The following PCED1B variants were observed in gnomAD, a reference collection of about 807,000 sequenced individuals.
The protein encoded by PCED1B is PC-esterase domain-containing protein 1B.
For synonymous variants in PCED1B, 251 were observed against 246.1 expected, an observed-to-expected ratio of 1.02 and a Z score of -0.19; for missense variants, 573 against 573.9, an observed-to-expected ratio of 1.00 and a Z score of 0.02.
intron 1 of PCED1B, among the ~76,000 whole-genome samples, chr12:47,103,885 T>G (rs1414083221): frequency 6.6e-6 from 1 of 152,224 alleles, no homozygotes; most frequent in Admixed American, 6.5e-5. Context: ...ATTTTCTCAT[T>G]GTCATTGCTC....
intron 2 of PCED1B, among the ~76,000 whole-genome samples, chr12:47,108,682 C>T (rs1939061786): frequency 2.0e-5 from 3 of 152,198 alleles, no homozygotes; most frequent in Admixed American, 2.0e-4. Flanking sequence ...TCTTTAGAAT[C>T]AGTCCAAGGC....
At chr12:47,203,285 T>C (rs1942822601) in intron 2 of PCED1B, among the ~76,000 whole-genome samples, 1 of 152,158 alleles carries the variant, frequency 6.6e-6, no homozygotes, top group East Asian at 1.9e-4. Flanking sequence ...TTTTCTTTTT[T>C]TAATTTTTTA....
intron 3 of PCED1B, chr12:47,224,132 T>G (rs921775353): frequency 6.6e-6 from 1 of 152,242 alleles, no homozygotes; most frequent in Non-Finnish European, 1.5e-5. Context: ...AGGTTTACTA[T>G]AGACTGTACA....
rs1385499603 is a variant in PCED1B, at chr12:47,136,727, G to A, written c.-526+32532G>A. 3.9e-5 allele frequency among the ~76,000 whole-genome samples: 6 copies of A among 152,080 alleles called. No individual in the cohort carries two copies. In the East Asian group the frequency reaches 9.7e-4, roughly 24 times the overall value. On this transcript the variant is annotated intron_variant, in intron 2 of 3. Transcript: ENST00000546455. ...ATTAGGCAAATATTTAAGTATAAACGATATCTACAAACTTTAATTTCCATT... is the reference window on the plus strand; with the variant it reads ...ATTAGGCAAATATTTAAGTATAAACAATATCTACAAACTTTAATTTCCATT...
intron 2 of PCED1B, among the ~76,000 whole-genome samples, chr12:47,113,965 A>AC (rs1555191180): frequency 0.012 from 1,799 of 148,912 alleles, 13 homozygotes; most frequent in Non-Finnish European, 0.018. Context: ...AGAAAAAAAA[A>AC]ACACACACAC....
At chr12:47,233,354 A>G (rs7299268) in intron 3 of PCED1B, among the ~76,000 whole-genome samples, 12,742 of 151,774 alleles carry the variant, frequency 0.084, 553 homozygotes, top group Middle Eastern at 0.13. Context: ...TGGTAGCCAG[A>G]AAGGTCTCGA....
chr12:47,161,393 G>T (rs144867239), intron 2 of PCED1B, among the ~76,000 whole-genome samples: 1 of 152,124 alleles, frequency 6.6e-6, no homozygotes, highest in African/African-American at 2.4e-5. Context: ...ATATGTGAGG[G>T]TATGTTTCTG....
chr12:47,221,470 C>T (rs561945710), intron 3 of PCED1B, among the ~76,000 whole-genome samples: 6 of 151,940 alleles, frequency 3.9e-5, no homozygotes, highest in African/African-American at 9.6e-5. Context: ...TGAGCCACCA[C>T]GCCCCGCCAA....
At chr12:47,121,337 G>T (rs1220799166) in intron 2 of PCED1B, among the ~76,000 whole-genome samples, 1 of 152,038 alleles carries the variant, frequency 6.6e-6, no homozygotes, top group Non-Finnish European at 1.5e-5. Context: ...ATCGTTAGTG[G>T]GTACTCATTG....
At chr12:47,135,746 G>T in intron 2 of PCED1B, 1 of 532,572 alleles carries the variant, frequency 1.9e-6, no homozygotes, top group East Asian at 5.3e-5. Context: ...CGGGCACGGA[G>T]GTCTCACTGC....
At chr12:47,144,433 A>G (rs1045454243) in intron 2 of PCED1B, among the ~76,000 whole-genome samples, 1 of 152,162 alleles carries the variant, frequency 6.6e-6, no homozygotes, top group Non-Finnish European at 1.5e-5. Context: ...CCTTAACAGT[A>G]TCTTGGTCAC....
intron 2 of PCED1B, among the ~76,000 whole-genome samples, chr12:47,173,729 T>C (rs1035657277): frequency 6.6e-6 from 1 of 152,198 alleles, no homozygotes; most frequent in African/African-American, 2.4e-5. Context: ...AGAAGAAAAA[T>C]GTAATGCCCA....
intron 2 of PCED1B, chr12:47,206,482 A>C (rs1246386609): frequency 6.6e-6 from 1 of 152,230 alleles, no homozygotes; most frequent in Non-Finnish European, 1.5e-5. Context: ...GGCAGTTTCA[A>C]CCATAGTCAG....
At chr12:47,171,771 T>G (rs1941743231) in intron 2 of PCED1B, among the ~76,000 whole-genome samples, 1 of 152,166 alleles carries the variant, frequency 6.6e-6, no homozygotes, top group Non-Finnish European at 1.5e-5. Context: ...GATGACACAG[T>G]CCTGTATCAG....
chr12:47,106,054 TAAC>T (rs1938933632), intron 2 of PCED1B, among the ~76,000 whole-genome samples: 1 of 152,144 alleles, frequency 6.6e-6, no homozygotes, highest in Non-Finnish European at 1.5e-5. Context: ...ACAGAGGAGC[TAAC>T]AAGACTAGAG....
At chr12:47,234,896 G>T in intron 3 of PCED1B, 111 bp from the exon 4 acceptor site, 1 of 526,018 alleles carries the variant, frequency 1.9e-6, no homozygotes, top group Non-Finnish European at 3.1e-6. Flanking sequence ...ACTCCCTCAG[G>T]GCAGAGGCCA....
At chr12:47,227,861 A>G (rs1265589193) in intron 3 of PCED1B, among the ~76,000 whole-genome samples, 1 of 152,034 alleles carries the variant, frequency 6.6e-6, no homozygotes, top group Non-Finnish European at 1.5e-5. Context: ...TCAAAAAAAA[A>G]AGAAGACATT....
chr12:47,179,869 TCAA>T (rs779219022), intron 2 of PCED1B, among the ~76,000 whole-genome samples: 1 of 151,916 alleles, frequency 6.6e-6, no homozygotes, highest in Non-Finnish European at 1.5e-5. Flanking sequence ...CATGTATATA[TCAA>T]TATGTCAGTG....
chr12:47,093,950 G>C (rs1055959279), intron 1 of PCED1B, among the ~76,000 whole-genome samples: 1 of 152,016 alleles, frequency 6.6e-6, no homozygotes, highest in Non-Finnish European at 1.5e-5. Flanking sequence ...TATGTTAACT[G>C]TGCTGTTTAT....
Sources: allele counts gnomAD v4.1 joint callset (sites outside exome capture counted in the v4.1 genomes callset), GRCh38; gene constraint gnomAD v4.1.1; transcripts MANE v1.5; gene names NCBI Gene and HGNC (gene_info 2026-07-23, HGNC 2026-07-21).